TP63: variants seen among roughly 807,000 people sequenced by gnomAD.
The protein encoded by TP63 is tumor protein p63.
A neutral mutation model predicts 82.8 loss-of-function variants in TP63; 17 were observed. That is an observed-to-expected ratio of 0.21 (90% CI 0.14 to 0.31). The LOEUF is 0.31. Among genes scored for constraint, TP63 ranks in the 10% least tolerant of loss-of-function variants. The pLI is 1.00. For missense variants in TP63, 648 were observed against 895.3 expected (o/e 0.72, Z 3.52); for synonymous variants, 330 against 321.7 (o/e 1.03, Z -0.28).
At chr3:189,674,967 C>G (rs750155644) in intron 1 of TP63, among the ~76,000 whole-genome samples, 1 of 152,092 alleles carries the variant, frequency 6.6e-6, no homozygotes, top group Non-Finnish European at 1.5e-5. Flanking sequence ...TGTCAAGTGT[C>G]TTAGTCTTTT....
intron 1 of TP63, among the ~76,000 whole-genome samples, chr3:189,727,056 G>A (rs1024543008): frequency 3.9e-5 from 6 of 152,170 alleles, no homozygotes; most frequent in Admixed American, 3.9e-4. Context: ...GATAGATTTT[G>A]CCTGTGAGTA....
chr3:189,653,740 A>G (rs1713090001), intron 1 of TP63, among the ~76,000 whole-genome samples: 2 of 152,224 alleles, frequency 1.3e-5, no homozygotes, highest in Non-Finnish European at 2.9e-5. Flanking sequence ...CATAAACTGC[A>G]ATTGTTAACC....
At chr3:189,688,378 C>A (rs1262359042) in intron 1 of TP63, among the ~76,000 whole-genome samples, 3 of 152,224 alleles carry the variant, frequency 2.0e-5, no homozygotes, top group Admixed American at 6.5e-5. Context: ...AAGATTTATA[C>A]CCTTCTTTAG....
At chr3:189,693,968 T>C (rs1717147749) in intron 1 of TP63, among the ~76,000 whole-genome samples, 1 of 152,194 alleles carries the variant, frequency 6.6e-6, no homozygotes, top group South Asian at 2.1e-4. Context: ...CATGGCCATA[T>C]TGTTTTATGC....
intron 3 of TP63, among the ~76,000 whole-genome samples, chr3:189,792,361 A>T (rs1425573222): frequency 2.0e-5 from 3 of 152,040 alleles, no homozygotes. Context: ...GGAGATAGAG[A>T]GGGTCAAAAT....
intron 4 of TP63, among the ~76,000 whole-genome samples, chr3:189,845,288 G>C (rs1714716367): frequency 1.3e-5 from 2 of 152,178 alleles, no homozygotes; most frequent in South Asian, 4.1e-4. Context: ...TTTGTGACTA[G>C]TGGCTATCTT....
chr3:189,701,224 T>C (rs76843819), intron 1 of TP63, among the ~76,000 whole-genome samples: 2,533 of 152,200 alleles, frequency 0.017, 72 homozygotes, highest in African/African-American at 0.056. Context: ...AATGGACTAA[T>C]AGAACTCCAG....
At chr3:189,616,957 G>A in the TP63 span, among the ~76,000 whole-genome samples, 1 of 152,166 alleles carries the variant, frequency 6.6e-6, no homozygotes, top group African/African-American at 2.4e-5. Flanking sequence ...ATGGACCAGA[G>A]CATTAGGCAT....
intron 10 of TP63, among the ~76,000 whole-genome samples, chr3:189,877,074 T>G (rs2108831936): frequency 6.6e-6 from 1 of 152,344 alleles, no homozygotes; most frequent in East Asian, 1.9e-4. Context: ...TGCATGGTTT[T>G]TCTTTTTAAA....
chr3:189,649,564 A>G (rs1477695549), intron 1 of TP63, among the ~76,000 whole-genome samples: 1 of 147,040 alleles, frequency 6.8e-6, no homozygotes, highest in African/African-American at 2.5e-5. Flanking sequence ...TATTTACAGC[A>G]GAGCCCTGTG....
chr3:189,637,104 C>CAT (rs397815154), intron 1 of TP63, among the ~76,000 whole-genome samples: 1 of 151,970 alleles, frequency 6.6e-6, no homozygotes, highest in East Asian at 1.9e-4. Flanking sequence ...CACACACACA[C>CAT]TCACAATGGG....
chr3:189,679,243 A>G (rs1288613816), intron 1 of TP63, among the ~76,000 whole-genome samples: 2 of 152,096 alleles, frequency 1.3e-5, no homozygotes, highest in East Asian at 3.8e-4. Context: ...ACCAATTTAC[A>G]TTCCCACCAA....
At chr3:189,807,551 A>G (rs1727044759) in intron 3 of TP63, among the ~76,000 whole-genome samples, 1 of 152,266 alleles carries the variant, frequency 6.6e-6, no homozygotes, top group Non-Finnish European at 1.5e-5. Context: ...TATTTCTCTT[A>G]CAAATGTTCT....
intron 1 of TP63, among the ~76,000 whole-genome samples, chr3:189,689,134 T>A (rs1234869105): frequency 8.6e-6 from 1 of 115,978 alleles, no homozygotes; most frequent in African/African-American, 3.7e-5. Context: ...TTTTTTTTTT[T>A]GAGACGGAGT....
chr3:189,631,309 T>C (rs1729443565), upstream of TP63: 4 of 1,385,674 alleles, frequency 2.9e-6, no homozygotes, highest in East Asian at 5.6e-5. Flanking sequence ...TTTTAGTCAA[T>C]TGATGAATCT....
intron 3 of TP63, among the ~76,000 whole-genome samples, chr3:189,744,499 G>C (rs1031937326): frequency 4.6e-5 from 7 of 152,102 alleles, no homozygotes; most frequent in Non-Finnish European, 1.5e-5. Flanking sequence ...CCTGAAAATT[G>C]CCCATTTCAG....
chr3:189,833,111 T>A (rs1712607072), intron 4 of TP63, among the ~76,000 whole-genome samples: 1 of 152,218 alleles, frequency 6.6e-6, no homozygotes, highest in South Asian at 2.1e-4. Context: ...TCACTTTGCC[T>A]CCACCACCAT....
At chr3:189,641,768 A>G (rs141824209) in intron 1 of TP63, among the ~76,000 whole-genome samples, 93 of 152,308 alleles carry the variant, frequency 6.1e-4, no homozygotes, top group African/African-American at 2.1e-3. Context: ...GGATAGTTCA[A>G]TGGTCCAAAT....
rs533726828 is a variant in TP63, at chr3:189,750,046, C to G, written c.324+11272C>G. ...GGCTGAGGCAGGAGAATCGCTTGAG[C>G]CTGGGAGGTGGAGCTTGCAGTGAGC... On this transcript the variant is annotated intron_variant, in intron 3 of 13. Coordinates refer to ENST00000264731, the MANE Select transcript of TP63 (RefSeq NM_003722.5). Among the ~76,000 whole-genome samples, 387 of 150,704 alleles carry G rather than the reference C, an allele frequency of 2.6e-3. 4 individuals carry two copies. The highest frequency in any genetic ancestry group is 8.9e-3 in the African/African-American group (365 of 40,996).
Sources: gnomAD v4.1 joint callset for allele counts (sites outside exome capture counted in the v4.1 genomes callset) on GRCh38, gnomAD v4.1.1 for gene constraint, MANE v1.5 for transcripts, NCBI Gene and HGNC (gene_info 2026-07-23, HGNC 2026-07-21) for gene names.